The following ACE variants were observed in gnomAD, a reference collection of about 807,000 sequenced individuals.
ACE encodes angiotensin I converting enzyme.
In ACE, 122 loss-of-function variants were observed where a neutral mutation model predicts 162.3. The ratio of observed to expected loss-of-function variants is 0.75; its 90% CI spans 0.65 to 0.87. The LOEUF (loss-of-function observed/expected upper bound fraction) is 0.87. ACE is among the 40% of genes least tolerant of loss of function. The pLI is 0.00. For synonymous variants in ACE, 796 were observed against 720.6 expected (o/e 1.10, Z -1.68); for missense variants, 1,799 against 1,735.1 (o/e 1.04, Z -0.65).
rs1305177846 is a variant in ACE, at chr17:63,491,513, C to T, written c.2912+132C>T. ...ATGGGGACAGGGCCAGAGTTTGGGA[C>T]TGAGTGTCTAGAGAGGTGTTGGCTT... On this transcript the variant is annotated intron_variant, in intron 19 of 24. Transcript: ENST00000290866. This position sits in a 1 kb window ranked among gnomAD's most constrained non-coding sequence, Gnocchi z 4.4. The T allele has an allele frequency of 1.6e-6, 2 of 1,217,430 alleles. No homozygotes were observed. The highest frequency in any genetic ancestry group is 1.5e-5 in the African/African-American group (1 of 67,500). 75.4% of individuals were successfully genotyped at this position (1,217,430 alleles called of 1,614,324 possible). A position where few individuals can be genotyped will look rare whatever the true frequency, so the allele number is the denominator to read the frequency against.
At position 63,484,793 on chromosome 17, in the gene ACE, C is replaced by CT. The variant is rs2029864610; in HGVS notation, c.1921+253dup. The CT allele has an allele frequency of 6.7e-7, 1 of 1,493,434 alleles. No individual in the cohort carries two copies. The highest frequency in any genetic ancestry group is 1.4e-5 in the African/African-American group (1 of 72,112). 92.5% of individuals were successfully genotyped at this position (1,493,434 alleles called of 1,614,324 possible). ...TCCAGAGGAAGCCAGACACAAGGCT[C>CT]TGTGAGGTCACACTGCGGGCTCCGC... On this transcript the variant is annotated intron_variant, in intron 12 of 24. Transcript: ENST00000290866. This position sits in a 1 kb window ranked among gnomAD's most constrained non-coding sequence, Gnocchi z 4.0.
rs1215510758 is a variant in ACE, at chr17:63,498,051, A to C, written c.*685A>C. The C allele has an allele frequency of 4.2e-5, 7 of 166,484 alleles. No individual in the cohort carries two copies. Among genetic ancestry groups the C allele is most frequent in the African/African-American group, 1.7e-4 (7 of 41,680 alleles). 10.3% of individuals were successfully genotyped at this position (166,484 alleles called of 1,614,324 possible). ...GGGTGCCCCCTGGAGGGCACACACCAGCCTAGTGCTTACCTTGGCTCCTGC... is the reference window on the plus strand; with the variant it reads ...GGGTGCCCCCTGGAGGGCACACACCCGCCTAGTGCTTACCTTGGCTCCTGC... On this transcript the variant is annotated 3_prime_UTR_variant, in exon 25 of 25. Transcript: ENST00000290866.
At position 63,482,655 on chromosome 17, in the gene ACE, A is replaced by G. The variant is rs1335306599; in HGVS notation, c.1308A>G (p.Lys436=). The change falls in exon 8 of 25, where the codon AAA becomes AAG. Residue 436 remains lysine, a synonymous_variant. Coordinates refer to ENST00000290866, the MANE Select transcript of ACE (RefSeq NM_000789.4). ...TCTCCACTCCTGAACATCTGCACAA[A>G]ATCGGCCTGCTGGACCGTGTCACCA... is the stretch of plus-strand genomic sequence containing the variant. The part of the protein sequence containing the change: ...LSVSTPEHLH[K]IGLLDRVTND... 1.2e-6 allele frequency: 2 copies of G among 1,613,904 alleles called. No homozygotes were observed.
At chr17:63,486,368 G>C (rs1159847717) in intron 13 of ACE, 189 bp from the exon 14 acceptor site, 1 of 656,244 alleles carries the variant, frequency 1.5e-6, no homozygotes. Context: ...GGCATCCAGG[G>C]AGGGTGAGTA....
chr17:63,482,803 G>C (rs1384339516), intron 8 of ACE, 114 bp downstream of exon 8: 3 of 1,236,858 alleles, frequency 2.4e-6, no homozygotes, highest in Non-Finnish European at 3.5e-6. Context: ...CCCGGCCCCA[G>C]GTCAGGCAGG....
Position 63,483,568 on chromosome 17 carries a change from C to CGGGGGCCG in ACE, c.1586+10_1586+11insGGGGGCCG. On this transcript the variant is annotated intron_variant, in intron 10 of 24. Transcript: ENST00000290866. ...TGACACCATACATCAGGTATTAGCG[C>CGGGGGCCG]CCCCACCCCACCCACCCCCAGTACT... is the stretch of plus-strand genomic sequence containing the variant. 6.3e-7 allele frequency: 1 copy of CGGGGGCCG among 1,585,834 alleles called. No individual in the cohort carries two copies. Among genetic ancestry groups the CGGGGGCCG allele is most frequent in the Non-Finnish European group, 8.6e-7 (1 of 1,159,940 alleles).
rs1422356094 is a variant in ACE, at chr17:63,497,325, G to A, written c.3880G>A (p.Gly1294Arg). ...CCGCAGCCTCCACCGGCACTCCCAC[G>A]GGCCCCAGTTCGGCTCCGAGGTGGA... is the stretch of plus-strand genomic sequence containing the variant. Reference protein sequence around the residue: ...RHRSLHRHSHGPQFGSEVELR... With the variant: ...RHRSLHRHSHRPQFGSEVELR... The change falls in exon 25 of 25, where the codon GGG becomes AGG. Residue 1294 changes from glycine to arginine, a missense_variant. By Grantham distance (125) the Gly-to-Arg change is moderately radical. Transcript: ENST00000290866. 15 of 1,548,932 alleles carry A rather than the reference G, an allele frequency of 9.7e-6. No homozygotes were observed. The East Asian group carries it at 1.5e-4, about 15-fold the overall frequency.
intron 17 of ACE, among the ~76,000 whole-genome samples, chr17:63,489,434 G>A (rs1023164980): frequency 2.0e-5 from 3 of 152,200 alleles, no homozygotes; most frequent in East Asian, 1.9e-4. Flanking sequence ...CTTAGAGGGC[G>A]AGGAAGAGGC....
chr17:63,487,090 A>C lies in ACE; in HGVS notation c.2305+17A>C, dbSNP rs946026354. The C allele has an allele frequency of 1.2e-6, 2 of 1,611,146 alleles. No individual in the cohort carries two copies. Among genetic ancestry groups the C allele is most frequent in the East Asian group, 4.5e-5 (2 of 44,856 alleles). ...TCGAGCCAGGTGAGAGCTCATGTGC[A>C]GGCTGAGTGAGAGGCGAGGGCTGGG... is the stretch of plus-strand genomic sequence containing the variant. On this transcript the variant is annotated intron_variant, in intron 15 of 24. Transcript: ENST00000290866.
Position 63,497,174 on chromosome 17 carries a change from CA to C in ACE, c.3730del (p.Ser1244AlafsTer28). The stretch of plus-strand genomic sequence containing the variant: ...GGCCCCTCCCAGACAGCGGCCGCGT[CA>C]GCTTCCTGGGCCTGGACCTGGATGC... ...EGPLPDSGRV[S>X]FLGLDLDAQQ... On this transcript the variant is annotated frameshift_variant, in exon 25 of 25. Coordinates refer to ENST00000290866, the MANE Select transcript of ACE (RefSeq NM_000789.4). LOFTEE classifies it high-confidence loss of function. The C allele has an allele frequency of 6.2e-7, 1 of 1,604,292 alleles. No homozygotes were observed. Among genetic ancestry groups the C allele is most frequent in the East Asian group, 2.2e-5 (1 of 44,762 alleles).
In ACE at chr17:63,491,339, G is replaced by A; in HGVS notation, c.2870G>A (p.Cys957Tyr). 1 of 1,614,138 alleles carries A rather than the reference G, an allele frequency of 6.2e-7. No individual in the cohort carries two copies. The highest frequency in any genetic ancestry group is 8.5e-7 in the Non-Finnish European group (1 of 1,180,028). ...CCAACCGACGGGCGGGAGGTGGTCT[G>A]CCACGCCTCGGCCTGGGACTTCTAC... Reference protein sequence around the residue: ...EKPTDGREVVCHASAWDFYNG... With the variant: ...EKPTDGREVVYHASAWDFYNG... The change falls in exon 19 of 25, where the codon TGC (cysteine) becomes TAC (tyrosine). Residue 957 changes from cysteine to tyrosine, a missense_variant. Coordinates refer to ENST00000290866, the MANE Select transcript of ACE (RefSeq NM_000789.4). The surrounding 1 kb of genome is among the most constrained non-coding windows in gnomAD (Gnocchi z 4.4).
At position 63,483,184 on chromosome 17, in the gene ACE, G is replaced by GAA. The variant is rs755261278; in HGVS notation, c.1487+11_1487+12insAA. The GAA allele has an allele frequency of 1.6e-4, 251 of 1,613,388 alleles. 1 individual carries two copies. The East Asian group carries it at 3.5e-3, about 23-fold the overall frequency. On this transcript the variant is annotated intron_variant, in intron 9 of 24. Transcript: ENST00000290866. ...CTGGTGGTATCTTCGGTGAGAGGAG[G>GAA]GATAGAAAAGCCTTCGCCCCAGCTA... is the stretch of plus-strand genomic sequence containing the variant.
In ACE at chr17:63,477,160, G is replaced by T; in HGVS notation, c.66G>T (p.Leu22=). ...TGCCGCTGCCGCTGCTGTTGCTGCT[G>T]CCGCCGCAGCCCGCCCTGGCGTTGG... The part of the protein sequence containing the change: ...LLLPLPLLLL[L]PPQPALALDP... Residue 22 remains leucine, a synonymous_variant, in exon 1 of 25, where the codon CTG becomes CTT. Coordinates refer to ENST00000290866, the MANE Select transcript of ACE (RefSeq NM_000789.4). 6.9e-7 allele frequency: 1 copy of T among 1,450,148 alleles called. No homozygotes were observed. The highest frequency in any genetic ancestry group is 9.1e-7 in the Non-Finnish European group (1 of 1,103,212). The allele number at this position is 1,450,148 out of a possible 1,614,324, so 89.8% of individuals were successfully genotyped here.
At chr17:63,481,780 T>C (rs1341373133) in intron 7 of ACE, 42 bp downstream of exon 7, 2 of 1,612,934 alleles carry the variant, frequency 1.2e-6, no homozygotes, top group East Asian at 2.2e-5. Flanking sequence ...TCCCCGGTTC[T>C]GGGGCCCGGG....
At chr17:63,481,850 C>A in intron 7 of ACE, 112 bp downstream of exon 7, 1 of 1,411,574 alleles carries the variant, frequency 7.1e-7, no homozygotes. Context: ...TACCCTACCC[C>A]AGCACTGGTT....
chr17:63,477,405 C>T, intron 1 of ACE, 62 bp downstream of exon 1: 2 of 1,168,104 alleles, frequency 1.7e-6, no homozygotes, highest in Non-Finnish European at 2.1e-6. Context: ...CAGCACGCGG[C>T]CGGCTTGTGG....
chr17:63,495,182 T>A (rs1443494679), intron 22 of ACE, among the ~76,000 whole-genome samples: 1 of 152,228 alleles, frequency 6.6e-6, no homozygotes, highest in African/African-American at 2.4e-5. Flanking sequence ...ACACTAGGTC[T>A]GCAGGTCACA....
chr17:63,480,536 C>T lies in ACE; in HGVS notation c.847+8C>T. On this transcript the variant is annotated splice_region_variant and intron_variant, in intron 5 of 24. Transcript: ENST00000290866. Reference sequence around the variant, plus strand: ...TCCCTGCTCATCTGCTGGGTAAGGACCTGGCCTCGCCTCCACATGAGTCCC... The same window carrying T: ...TCCCTGCTCATCTGCTGGGTAAGGATCTGGCCTCGCCTCCACATGAGTCCC... 1 of 1,613,400 alleles carries T rather than the reference C, an allele frequency of 6.2e-7. No individual in the cohort carries two copies. The highest frequency in any genetic ancestry group is 8.5e-7 in the Non-Finnish European group (1 of 1,180,006).
Position 63,494,426 on chromosome 17 carries a change from C to G in ACE, c.3336C>G (p.Asp1112Glu), listed in dbSNP as rs762107963. 12 of 1,614,052 alleles carry G rather than the reference C, an allele frequency of 7.4e-6. No individual in the cohort carries two copies. Among genetic ancestry groups the G allele is most frequent in the Non-Finnish European group, 9.3e-6 (11 of 1,180,028 alleles). Residue 1112 changes from aspartate to glutamate, a missense_variant, in exon 22 of 25, where the codon GAC becomes GAG. Asp to Glu is a conservative substitution (Grantham distance 45). Transcript: ENST00000290866. ...PPVPRTQGDF[D>E]PGAKFHIPSS... ...TGCCCAGGACTCAAGGTGACTTTGA[C>G]CCAGGGGCCAAGTTCCACATTCCTT...
Sources: allele counts gnomAD v4.1 joint callset (sites outside exome capture counted in the v4.1 genomes callset), GRCh38; gene constraint gnomAD v4.1.1; non-coding constraint Gnocchi (gnomAD v3.1); transcripts MANE v1.5; gene names NCBI Gene and HGNC (gene_info 2026-07-23, HGNC 2026-07-21).